The following PCDH15 variants were observed in gnomAD, a reference collection of about 807,000 sequenced individuals.
The protein encoded by PCDH15 is protocadherin-15.
Under a neutral mutation model 178.5 loss-of-function variants are expected in PCDH15, and 129 were observed. That is an observed-to-expected ratio of 0.72 (90% CI 0.63 to 0.84). The LOEUF (loss-of-function observed/expected upper bound fraction) is 0.84. Ranked by LOEUF, PCDH15 falls within the 40% of genes least tolerant of loss-of-function variation. The probability of loss-of-function intolerance (pLI) is 0.00; values close to 1 mark genes in which losing one functional copy is unlikely to be tolerated. For missense variants in PCDH15, 2,230 were observed against 2,099.9 expected (o/e 1.06, Z -1.21); for synonymous variants, 800 against 732.0 (o/e 1.09, Z -1.50).
At chr10:54,013,569 A>G (rs2092654166) in intron 20 of PCDH15, among the ~76,000 whole-genome samples, 1 of 152,216 alleles carries the variant, frequency 6.6e-6, no homozygotes, top group Non-Finnish European at 1.5e-5. Context: ...CTCTCTGAAC[A>G]TGGTGCAATA....
chr10:54,376,026 C>G (rs1948375814), intron 4 of PCDH15, among the ~76,000 whole-genome samples: 1 of 151,546 alleles, frequency 6.6e-6, no homozygotes, highest in African/African-American at 2.4e-5. Flanking sequence ...TCTACAGTAG[C>G]TGGGATTACA....
intron 1 of PCDH15, among the ~76,000 whole-genome samples, chr10:55,227,625 TAA>T (rs575877444): frequency 1.3e-5 from 2 of 152,196 alleles, no homozygotes; most frequent in East Asian, 1.9e-4. Context: ...GCTTAAGTCA[TAA>T]GAGGTCTATT....
chr10:54,369,845 G>A (rs1251685590), intron 4 of PCDH15, among the ~76,000 whole-genome samples: 1 of 151,778 alleles, frequency 6.6e-6, no homozygotes, highest in Non-Finnish European at 1.5e-5. Context: ...TAGACACACA[G>A]ACACACAGTG....
At chr10:53,909,898 C>A (rs746330457) in intron 25 of PCDH15, among the ~76,000 whole-genome samples, 1 of 152,216 alleles carries the variant, frequency 6.6e-6, no homozygotes, top group Admixed American at 6.5e-5. Flanking sequence ...AAGCCTTGCT[C>A]ACTGCTAGTG....
At chr10:53,890,150 G>A (rs1417745806) in intron 26 of PCDH15, among the ~76,000 whole-genome samples, 1 of 152,212 alleles carries the variant, frequency 6.6e-6, no homozygotes, top group Admixed American at 6.5e-5. Context: ...CTTTTAGGCT[G>A]GGCACAGTGG....
At chr10:55,559,117 T>C (rs1171622193) in intron 2 of PCDH15, among the ~76,000 whole-genome samples, 1 of 152,090 alleles carries the variant, frequency 6.6e-6, no homozygotes, top group East Asian at 1.9e-4. Flanking sequence ...ATTATGGCCC[T>C]ACACTTCCAC....
intron 1 of PCDH15, among the ~76,000 whole-genome samples, chr10:55,302,750 C>T (rs1843317802): frequency 6.6e-6 from 1 of 152,052 alleles, no homozygotes; most frequent in African/African-American, 2.4e-5. Flanking sequence ...TTATGTATAC[C>T]TAGTTTATTT....
chr10:55,311,726 C>A (rs1004596297), intron 1 of PCDH15, among the ~76,000 whole-genome samples: 2 of 152,088 alleles, frequency 1.3e-5, no homozygotes, highest in African/African-American at 2.4e-5. Flanking sequence ...CTCTTCTTTG[C>A]GGCTAAAGGA....
chr10:55,407,341 A>G (rs1838223664), intron 2 of PCDH15, among the ~76,000 whole-genome samples: 1 of 152,162 alleles, frequency 6.6e-6, no homozygotes, highest in African/African-American at 2.4e-5. Context: ...TCCTTTTGGT[A>G]GTGACAGGGA....
chr10:55,531,556 C>T (rs1415790066), intron 2 of PCDH15, among the ~76,000 whole-genome samples: 1 of 151,958 alleles, frequency 6.6e-6, no homozygotes, highest in African/African-American at 2.4e-5. Context: ...TTTCTATGGG[C>T]AATATGACTA....
At chr10:54,636,068 GAA>G (rs2093845682) in intron 2 of PCDH15, among the ~76,000 whole-genome samples, 1 of 151,844 alleles carries the variant, frequency 6.6e-6, no homozygotes, top group Non-Finnish European at 1.5e-5. Flanking sequence ...TAATTGACAT[GAA>G]GTCATTAATC....
chr10:54,487,342 G>T (rs888697483), intron 3 of PCDH15, among the ~76,000 whole-genome samples: 1 of 151,954 alleles, frequency 6.6e-6, no homozygotes, highest in African/African-American at 2.4e-5. Flanking sequence ...AGACTCAGAA[G>T]GGTGAAGAAT....
chr10:54,374,238 A>T (rs1223335698), intron 4 of PCDH15, among the ~76,000 whole-genome samples: 1 of 152,084 alleles, frequency 6.6e-6, no homozygotes, highest in Admixed American at 6.6e-5. Context: ...AGATAAAACT[A>T]CTAAACTTAG....
intron 2 of PCDH15, among the ~76,000 whole-genome samples, chr10:55,566,211 G>C (rs958486335): frequency 6.6e-6 from 1 of 151,356 alleles, no homozygotes; most frequent in Non-Finnish European, 1.5e-5. Flanking sequence ...GAATCACATG[G>C]TTATCTCAAT....
intron 1 of PCDH15, among the ~76,000 whole-genome samples, chr10:54,685,399 T>C (rs1314209101): frequency 6.6e-6 from 1 of 152,206 alleles, no homozygotes; most frequent in Non-Finnish European, 1.5e-5. Context: ...TGTGCTATTA[T>C]TTTTATCACT....
In PCDH15 at chr10:55,175,966, T is replaced by C. The variant is rs1203578981; in HGVS notation, c.-155-9315A>G. ...CTCCAGTCTGCAGTGGGGACCACTGTAGGGTGGACTGTCCCGGGAGATGCA... is the reference window on the plus strand; with the variant it reads ...CTCCAGTCTGCAGTGGGGACCACTGCAGGGTGGACTGTCCCGGGAGATGCA... On this transcript the variant is annotated intron_variant, in intron 1 of 5. Transcript: ENST00000458638. Among the ~76,000 whole-genome samples the C allele has an allele frequency of 2.0e-5, 3 of 151,970 alleles. No individual in the cohort carries two copies. In the East Asian group the frequency reaches 5.9e-4, roughly 30 times the overall value.
chr10:55,553,856 T>C (rs1842042376), intron 2 of PCDH15, among the ~76,000 whole-genome samples: 1 of 151,938 alleles, frequency 6.6e-6, no homozygotes, highest in Non-Finnish European at 1.5e-5. Context: ...GATGCTGATA[T>C]CTATACGTCC....
At chr10:55,372,311 C>T (rs773830049) in intron 2 of PCDH15, among the ~76,000 whole-genome samples, 8 of 151,772 alleles carry the variant, frequency 5.3e-5, no homozygotes, top group Non-Finnish European at 7.4e-5. Flanking sequence ...TGCACACCCA[C>T]CCATATGGCA....
At chr10:55,621,373 ACAGAGCAATGGTCCCCGCACCC>A (rs1455291484) in intron 2 of PCDH15, among the ~76,000 whole-genome samples, 69 of 152,306 alleles carry the variant, frequency 4.5e-4, no homozygotes, top group Middle Eastern at 3.4e-3. Context: ...CACACTGCCA[ACAGAGCAATGGTCCCCGCACCC>A]CAGAGCAGGG....
Sources: allele counts gnomAD v4.1 joint callset (sites outside exome capture counted in the v4.1 genomes callset), GRCh38; gene constraint gnomAD v4.1.1; transcripts MANE v1.5; gene names NCBI Gene and HGNC (gene_info 2026-07-23, HGNC 2026-07-21).